SLC25A37: variants seen among roughly 807,000 people sequenced by gnomAD.
SLC25A37 encodes mitoferrin-1.
In SLC25A37, 17 loss-of-function variants were observed where a neutral mutation model predicts 31.0. The ratio of observed to expected loss-of-function variants is 0.55; its 90% CI spans 0.38 to 0.82. SLC25A37 has a LOEUF of 0.82. SLC25A37 is among the 40% of genes least tolerant of loss of function. The pLI is 0.00. For missense variants in SLC25A37, 404 were observed against 465.8 expected, an observed-to-expected ratio of 0.87 and a Z score of 1.22; for synonymous variants, 222 against 193.0, an observed-to-expected ratio of 1.15 and a Z score of -1.24.
chr8:23,533,957 T>G (rs199749678), intron 1 of SLC25A37, among the ~76,000 whole-genome samples: 3 of 142,284 alleles, frequency 2.1e-5, no homozygotes, highest in African/African-American at 5.2e-5. Context: ...TCTTTTTTTT[T>G]GTTTTTTTGA....
chr8:23,552,952 G>T (rs540135123), intron 1 of SLC25A37, among the ~76,000 whole-genome samples: 5 of 152,160 alleles, frequency 3.3e-5, no homozygotes, highest in Non-Finnish European at 7.4e-5. Context: ...AGCGTGGAGC[G>T]GGGCGGGAGC....
chr8:23,554,035 G>A (rs558524254), intron 1 of SLC25A37, among the ~76,000 whole-genome samples: 8 of 127,284 alleles, frequency 6.3e-5, no homozygotes, highest in East Asian at 2.6e-4. Context: ...ATCCTTTAGC[G>A]TCCATCCCTT....
At chr8:23,564,703 A>T (rs532219438) in intron 1 of SLC25A37, among the ~76,000 whole-genome samples, 1 of 152,208 alleles carries the variant, frequency 6.6e-6, no homozygotes, top group African/African-American at 2.4e-5. Flanking sequence ...TTGTAAGACC[A>T]GCCTTTGGTT....
At chr8:23,551,743 C>A (rs1005095681) in intron 1 of SLC25A37, among the ~76,000 whole-genome samples, 1 of 152,064 alleles carries the variant, frequency 6.6e-6, no homozygotes, top group African/African-American at 2.4e-5. Context: ...GTGAGTCGCC[C>A]AAGGACACAC....
chr8:23,531,254 C>T (rs1449657776), intron 1 of SLC25A37, among the ~76,000 whole-genome samples: 3 of 152,312 alleles, frequency 2.0e-5, no homozygotes, highest in African/African-American at 7.2e-5. Context: ...GTCAGGGGTG[C>T]ATCCTCCATC....
At chr8:23,532,558 G>A (rs1377074757) in intron 1 of SLC25A37, among the ~76,000 whole-genome samples, 4 of 152,168 alleles carry the variant, frequency 2.6e-5, no homozygotes, top group Non-Finnish European at 4.4e-5. Context: ...GCCGAGTCCC[G>A]CCTGGGGAAA....
rs1049452059 is a variant in SLC25A37 at position 23,574,112 on chromosome 8, G to A, written c.*2257G>A. On this transcript the variant is annotated 3_prime_UTR_variant, in exon 4 of 4. Transcript: ENST00000519973. ...CCTACTGGATTTTGCTTTCACTGGT[G>A]TTTAGAAAATAAACTTGATTTCTCT... 5.7e-5 allele frequency: 19 copies of A among 332,118 alleles called. No homozygotes were observed. The Admixed American group carries it at 6.6e-4, about 12-fold the overall frequency. The allele number at this position is 332,118 out of a possible 1,614,324, so 20.6% of individuals were successfully genotyped here.
chr8:23,572,006 C>A lies in SLC25A37; in HGVS notation c.*151C>A. 2.4e-6 allele frequency: 2 copies of A among 850,564 alleles called. No homozygotes were observed. Among genetic ancestry groups the A allele is most frequent in the Non-Finnish European group, 3.6e-6 (2 of 557,710 alleles). 52.7% of individuals were successfully genotyped at this position (850,564 alleles called of 1,614,324 possible). A position where few individuals can be genotyped will look rare whatever the true frequency, so the allele number is the denominator to read the frequency against. ...GCCTTAGAGAGAGGAGGGGACGGCA[C>A]GGCCGCTCACCGGAAGGCTGTGTGC... is the stretch of plus-strand genomic sequence containing the variant. On this transcript the variant is annotated 3_prime_UTR_variant, in exon 4 of 4. Coordinates refer to ENST00000519973, the MANE Select transcript of SLC25A37 (RefSeq NM_016612.4).
chr8:23,556,811 G>A (rs982755679), intron 1 of SLC25A37, among the ~76,000 whole-genome samples: 3 of 152,048 alleles, frequency 2.0e-5, no homozygotes, highest in Non-Finnish European at 2.9e-5. Context: ...TCTTGCCTGC[G>A]ACGTGTGGGA....
intron 1 of SLC25A37, among the ~76,000 whole-genome samples, chr8:23,542,091 A>G (rs1402096928): frequency 6.6e-6 from 1 of 152,208 alleles, no homozygotes; most frequent in African/African-American, 2.4e-5. Context: ...AGTCAGCACC[A>G]CATAACGATG....
chr8:23,532,425 A>G lies in SLC25A37; in HGVS notation c.210+3213A>G, dbSNP rs79953058. On this transcript the variant is annotated intron_variant, in intron 1 of 3. Coordinates refer to ENST00000519973, the MANE Select transcript of SLC25A37 (RefSeq NM_016612.4). ...CTCTTTCTGGTGTTCCAGAGTGGCA[A>G]GGGGCACTTGGGGTGGATACAAGAA... 5.1e-3 allele frequency among the ~76,000 whole-genome samples: 770 copies of G among 152,262 alleles called. 12 individuals carry two copies. Among genetic ancestry groups the G allele is most frequent in the African/African-American group, 0.018 (735 of 41,556 alleles).
chr8:23,535,240 G>T (rs1025417243), intron 1 of SLC25A37, among the ~76,000 whole-genome samples: 2 of 152,154 alleles, frequency 1.3e-5, no homozygotes, highest in Admixed American at 6.5e-5. Flanking sequence ...CATTCACACT[G>T]CCTCCAATGC....
At chr8:23,555,592 TC>T (rs1193760249) in intron 1 of SLC25A37, among the ~76,000 whole-genome samples, 2 of 152,250 alleles carry the variant, frequency 1.3e-5, no homozygotes, top group Admixed American at 1.3e-4. Context: ...TAGCAGTGCT[TC>T]CTGAAGCCCC....
intron 1 of SLC25A37, among the ~76,000 whole-genome samples, chr8:23,532,300 A>G (rs1437693029): frequency 1.3e-5 from 2 of 152,176 alleles, no homozygotes; most frequent in Non-Finnish European, 2.9e-5. Flanking sequence ...GCAAAGTGAT[A>G]CCCAGGGAGG....
intron 1 of SLC25A37, among the ~76,000 whole-genome samples, chr8:23,558,137 A>G (rs1802416948): frequency 1.3e-5 from 2 of 152,218 alleles, no homozygotes; most frequent in Admixed American, 1.3e-4. Flanking sequence ...ATGCCACGTG[A>G]ACTTCGAACA....
In SLC25A37 at chr8:23,573,706, GA is replaced by G; in HGVS notation, c.*1854del. ...AGTTCCTTTTTCAGATCAGGGATGG[GA>G]AAGAGCCAAACTGGGTACCTCCCAC... On this transcript the variant is annotated 3_prime_UTR_variant, in exon 4 of 4. Transcript: ENST00000519973. The G allele has an allele frequency of 2.3e-6, 1 of 437,126 alleles. No homozygotes were observed. Among genetic ancestry groups the G allele is most frequent in the Non-Finnish European group, 4.7e-6 (1 of 212,988 alleles). 27.1% of individuals were successfully genotyped at this position (437,126 alleles called of 1,614,324 possible). A position where few individuals can be genotyped will look rare whatever the true frequency, so the allele number is the denominator to read the frequency against.
intron 1 of SLC25A37, among the ~76,000 whole-genome samples, chr8:23,544,240 G>C (rs1801976333): frequency 6.6e-6 from 1 of 152,190 alleles, no homozygotes; most frequent in Non-Finnish European, 1.5e-5. Context: ...ATTCAGTACA[G>C]TAGCATGCTG....
intron 1 of SLC25A37, among the ~76,000 whole-genome samples, chr8:23,553,140 G>T (rs888563270): frequency 4.5e-4 from 68 of 152,202 alleles, no homozygotes; most frequent in Non-Finnish European, 1.5e-4. Flanking sequence ...AACAGTTTTG[G>T]CTGGGTGCAG....
At position 23,528,980 on chromosome 8, in the gene SLC25A37, C is replaced by T. The variant is rs1195248605; in HGVS notation, c.-23C>T. 2.0e-6 allele frequency: 3 copies of T among 1,475,054 alleles called. No homozygotes were observed. The highest frequency in any genetic ancestry group is 2.7e-6 in the Non-Finnish European group (3 of 1,111,406). 91.4% of individuals were successfully genotyped at this position (1,475,054 alleles called of 1,614,324 possible). On this transcript the variant is annotated 5_prime_UTR_variant, in exon 1 of 4. Coordinates refer to ENST00000519973, the MANE Select transcript of SLC25A37 (RefSeq NM_016612.4). ...CCTCCCTGCCCACCTCCTGCAGCCT[C>T]CTGCGCCCCGCCGAGCTGGCGGATG...
Sources: gnomAD v4.1 joint callset for allele counts (sites outside exome capture counted in the v4.1 genomes callset) on GRCh38, gnomAD v4.1.1 for gene constraint, MANE v1.5 for transcripts, NCBI Gene and HGNC (gene_info 2026-07-23, HGNC 2026-07-21) for gene names.